BRPF3: variants seen among roughly 807,000 people sequenced by gnomAD.
The protein encoded by BRPF3 is bromodomain and PHD finger containing 3.
In BRPF3, 18 loss-of-function variants were observed where a neutral mutation model predicts 102.0. The ratio of observed to expected loss-of-function variants is 0.18; its 90% confidence interval spans 0.12 to 0.26. The LOEUF is 0.26. Among genes scored for constraint, BRPF3 ranks in the 10% least tolerant of loss-of-function variants. The pLI is 1.00. For synonymous variants in BRPF3, 570 were observed against 614.2 expected (o/e 0.93, Z 1.06); for missense variants, 1,147 against 1,567.8 (o/e 0.73, Z 4.53).
intron 2 of BRPF3, 67 bp from the exon 3 acceptor site, chr6:36,204,591 G>A (rs781131519): frequency 1.3e-6 from 2 of 1,574,680 alleles, no homozygotes; most frequent in South Asian, 1.1e-5. Flanking sequence ...GTCTGGATAG[G>A]ATGCACAGGC....
intron 11 of BRPF3, among the ~76,000 whole-genome samples, chr6:36,227,497 T>G (rs1311423612): frequency 6.6e-6 from 1 of 152,204 alleles, no homozygotes; most frequent in Non-Finnish European, 1.5e-5. Context: ...CATTTATTAT[T>G]TTGGGACACA....
At chr6:36,229,946 G>A (rs1238928900) in intron 12 of BRPF3, among the ~76,000 whole-genome samples, 1 of 152,184 alleles carries the variant, frequency 6.6e-6, no homozygotes, top group South Asian at 2.1e-4. Flanking sequence ...TGTATCCTTA[G>A]CCACATGTTA....
intron 9 of BRPF3, among the ~76,000 whole-genome samples, chr6:36,219,482 C>T (rs1401094533): frequency 2.6e-5 from 4 of 152,180 alleles, no homozygotes; most frequent in African/African-American, 7.2e-5. Flanking sequence ...TCAAACTATC[C>T]TTTTCTTGCT....
rs552871656 is a variant in BRPF3, at chr6:36,196,930, G to C, written c.-67G>C. 6.6e-6 allele frequency: 1 copy of C among 151,590 alleles called. No homozygotes were observed. Among genetic ancestry groups the C allele is most frequent in the Non-Finnish European group, 1.5e-5 (1 of 67,728 alleles). The allele number at this position is 151,590 out of a possible 1,614,324, so 9.4% of individuals were successfully genotyped here. On this transcript the variant is annotated 5_prime_UTR_variant, in exon 1 of 13. Coordinates refer to ENST00000357641, the MANE Select transcript of BRPF3 (RefSeq NM_015695.3). ...CCTGCTCGGCGGCCTGCCCGCCCGCGCCCAGGGGCCCCGAACGGTGGGGCC... is the reference window on the plus strand; with the variant it reads ...CCTGCTCGGCGGCCTGCCCGCCCGCCCCCAGGGGCCCCGAACGGTGGGGCC...
chr6:36,220,329 C>T (rs564222733), intron 9 of BRPF3, among the ~76,000 whole-genome samples: 54 of 152,304 alleles, frequency 3.5e-4, no homozygotes, highest in Admixed American at 3.4e-3. Flanking sequence ...ACAATAACTA[C>T]AGCTGTGTTT....
At chr6:36,204,990 CCTT>C (rs1682696206) in intron 3 of BRPF3, among the ~76,000 whole-genome samples, 176 bp downstream of exon 3, 1 of 152,122 alleles carries the variant, frequency 6.6e-6, no homozygotes. Flanking sequence ...TCAAGCAGCT[CCTT>C]CTGGATGGAT....
intron 9 of BRPF3, among the ~76,000 whole-genome samples, chr6:36,221,101 A>G (rs989141724): frequency 9.2e-5 from 14 of 152,160 alleles, no homozygotes; most frequent in African/African-American, 3.4e-4. Flanking sequence ...TTTGCCCAGA[A>G]GCTACGGTGT....
chr6:36,210,511 G>T lies in BRPF3; in HGVS notation c.2162G>T (p.Arg721Leu). 4 of 1,594,670 alleles carry T rather than the reference G, an allele frequency of 2.5e-6. No homozygotes were observed. The highest frequency in any genetic ancestry group is 1.1e-5 in the South Asian group (1 of 90,254). Residue 721 changes from arginine to leucine, a missense_variant, in exon 6 of 13, where the codon CGC becomes CTC. This residue lies in a region of BRPF3 where 109 missense variants were observed against 175.1 expected (regional missense o/e 0.62). Transcript: ENST00000357641. This position sits in a 1 kb window ranked among gnomAD's most constrained non-coding sequence, Gnocchi z 4.7. ...PESPKLEDFY[R>L]FSWEDVDNIL... ...TCACCCAAATTGGAAGACTTTTACC[G>T]CTTCTCCTGGGAAGACGGTGAGAGG...
intron 4 of BRPF3, among the ~76,000 whole-genome samples, chr6:36,209,244 G>A (rs890170151): frequency 6.6e-6 from 1 of 152,040 alleles, no homozygotes; most frequent in African/African-American, 2.4e-5. Flanking sequence ...CAGGGTTATC[G>A]TGATGATTAA....
intron 9 of BRPF3, among the ~76,000 whole-genome samples, chr6:36,219,746 T>G (rs1300212839): frequency 6.6e-6 from 1 of 152,216 alleles, no homozygotes; most frequent in Non-Finnish European, 1.5e-5. Context: ...GTTTTTCTTT[T>G]TCCCCCCATA....
Position 36,217,966 on chromosome 6 carries a change from A to G in BRPF3, c.3039A>G (p.Glu1013=), listed in dbSNP as rs1768390991. The G allele has an allele frequency of 6.2e-7, 1 of 1,613,718 alleles. No homozygotes were observed. ...GKHTESGSDS[E]CSLGLSGGLA... ...ACACCGAAAGCGGGTCTGACTCTGA[A>G]TGTAGTTTGGGTCTCAGTGGTGGAC... The change falls in exon 9 of 13, where the codon GAA becomes GAG. Residue 1013 remains glutamate (E), a synonymous_variant. Coordinates refer to ENST00000357641, the MANE Select transcript of BRPF3 (RefSeq NM_015695.3).
chr6:36,207,802 G>C (rs534123601), intron 4 of BRPF3, among the ~76,000 whole-genome samples: 1 of 152,290 alleles, frequency 6.6e-6, no homozygotes, highest in Non-Finnish European at 1.5e-5. Context: ...CCTCTGGCCT[G>C]GGAACTTCTG....
intron 12 of BRPF3, 39 bp downstream of exon 12, chr6:36,229,095 C>A: frequency 6.2e-7 from 1 of 1,602,004 alleles, no homozygotes; most frequent in East Asian, 2.3e-5. Flanking sequence ...AGGGGCACGC[C>A]AGGGGTCTGT....
At position 36,222,355 on chromosome 6, in the gene BRPF3, A is replaced by G. The variant is rs952199587; in HGVS notation, c.3181+90A>G. On this transcript the variant is annotated intron_variant, in intron 10 of 12. Transcript: ENST00000357641. ...TGCTGCACTGCTGGGGCTCCGTACC[A>G]GGCAGCCAGTCCTTGAGCTCCCCCA... The G allele has an allele frequency of 3.2e-6, 4 of 1,242,150 alleles. No individual in the cohort carries two copies. The Admixed American group carries it at 8.1e-5, about 25-fold the overall frequency. The allele number at this position is 1,242,150 out of a possible 1,614,324, so 76.9% of individuals were successfully genotyped here.
chr6:36,219,611 C>T (rs1240188140), intron 9 of BRPF3, among the ~76,000 whole-genome samples: 2 of 152,174 alleles, frequency 1.3e-5, no homozygotes, highest in Non-Finnish European at 2.9e-5. Context: ...ATTCAGGTGG[C>T]GTGTTTGCCT....
chr6:36,216,960 A>C (rs1046938198), intron 8 of BRPF3, among the ~76,000 whole-genome samples: 1 of 152,068 alleles, frequency 6.6e-6, no homozygotes, highest in Admixed American at 6.5e-5. Flanking sequence ...GATCACTTGA[A>C]CCCATGCTAT....
chr6:36,200,787 C>A lies in BRPF3; in HGVS notation c.465C>A (p.Asp155Glu). ...ACCTGGATGCAGAGGTAGAGTATGACATGGATGAGGAGGACCTTGCCTGGC... is the reference window on the plus strand; with the variant it reads ...ACCTGGATGCAGAGGTAGAGTATGAAATGGATGAGGAGGACCTTGCCTGGC... ...PEDLDAEVEY[D>E]MDEEDLAWLD... is the part of the protein sequence containing the mutation. The change falls in exon 2 of 13, where the codon GAC (aspartate) becomes GAA (glutamate). Residue 155 changes from aspartate (D) to glutamate (E), a missense_variant. By Grantham distance (45) the Asp-to-Glu change is conservative. Coordinates refer to ENST00000357641, the MANE Select transcript of BRPF3 (RefSeq NM_015695.3). This position sits in a 1 kb window ranked among gnomAD's most constrained non-coding sequence, Gnocchi z 5.3. 1 of 1,614,124 alleles carries A rather than the reference C, an allele frequency of 6.2e-7. No individual in the cohort carries two copies. Among genetic ancestry groups the A allele is most frequent in the East Asian group, 2.2e-5 (1 of 44,868 alleles).
intron 8 of BRPF3, among the ~76,000 whole-genome samples, chr6:36,216,848 G>C (rs111792455): frequency 1.3e-3 from 203 of 152,314 alleles, no homozygotes; most frequent in African/African-American, 4.8e-3. Flanking sequence ...AGACCAGCCT[G>C]AGCAACATGG....
At position 36,230,570 on chromosome 6, in the gene BRPF3, C is replaced by T; in HGVS notation, c.3579C>T (p.Val1193=). Residue 1193 remains valine (V), a synonymous_variant, in exon 13 of 13, where the codon GTC becomes GTT. Coordinates refer to ENST00000357641, the MANE Select transcript of BRPF3 (RefSeq NM_015695.3). This position sits in a 1 kb window ranked among gnomAD's most constrained non-coding sequence, Gnocchi z 5.4. ...YDRAMIHLSR[V]RGPHSFVTSS... is the part of the protein sequence containing the mutation. ...GTGCGATGATCCACCTGAGCAGAGT[C>T]CGGGGGCCCCACTCCTTCGTCACTT... The T allele has an allele frequency of 1.2e-6, 2 of 1,614,130 alleles. No individual in the cohort carries two copies. Among genetic ancestry groups the T allele is most frequent in the East Asian group, 2.2e-5 (1 of 44,874 alleles).
Sources: allele counts gnomAD v4.1 joint callset (sites outside exome capture counted in the v4.1 genomes callset), GRCh38; gene constraint gnomAD v4.1.1; regional missense constraint gnomAD v4.1.1; non-coding constraint Gnocchi (gnomAD v3.1); transcripts MANE v1.5; gene names NCBI Gene and HGNC (gene_info 2026-07-23, HGNC 2026-07-21).